The following RBFOX1 variants were observed in gnomAD, a reference collection of about 807,000 sequenced individuals.
RBFOX1 encodes RNA binding protein fox-1 homolog 1.
A neutral mutation model predicts 57.7 loss-of-function variants in RBFOX1; 8 were observed. That is an observed-to-expected ratio of 0.14 (90% confidence interval 0.08 to 0.25). The LOEUF is 0.25. Ranked by LOEUF, RBFOX1 falls within the 10% of genes least tolerant of loss-of-function variation. The pLI is 1.00. For missense variants in RBFOX1, 611 were observed against 548.5 expected, an observed-to-expected ratio of 1.11 and a Z score of -1.14; for synonymous variants, 326 against 222.4, an observed-to-expected ratio of 1.47 and a Z score of -4.15.
At chr16:5,891,861 G>T (rs142275934) in intron 4 of RBFOX1, among the ~76,000 whole-genome samples, 63 of 152,284 alleles carry the variant, frequency 4.1e-4, no homozygotes, top group African/African-American at 1.5e-3. Context: ...CCTGTTCTGA[G>T]GGATTCTAGG....
chr16:6,550,394 C>G (rs1390369784), intron 2 of RBFOX1, among the ~76,000 whole-genome samples: 2 of 152,298 alleles, frequency 1.3e-5, no homozygotes, highest in Non-Finnish European at 2.9e-5. Flanking sequence ...CCAGGCTGGT[C>G]TCCAGTTCAT....
At chr16:6,060,534 C>T (rs377459351) in intron 1 of RBFOX1, among the ~76,000 whole-genome samples, 4 of 152,110 alleles carry the variant, frequency 2.6e-5, no homozygotes, top group Non-Finnish European at 5.9e-5. Context: ...TTTTCAGGTT[C>T]GACCTCTACG....
intron 1 of RBFOX1, among the ~76,000 whole-genome samples, chr16:5,463,983 G>C (rs2068876176): frequency 6.6e-6 from 1 of 152,128 alleles, no homozygotes; most frequent in Non-Finnish European, 1.5e-5. Context: ...GCCATAACCA[G>C]GCCTGGGAGA....
chr16:6,326,874 T>A (rs1434344780), intron 2 of RBFOX1, among the ~76,000 whole-genome samples: 1 of 152,052 alleles, frequency 6.6e-6, no homozygotes, highest in Non-Finnish European at 1.5e-5. Context: ...CCGGTGCAGG[T>A]GTGGCTCCAG....
chr16:5,691,196 T>C (rs1007683581), intron 3 of RBFOX1, among the ~76,000 whole-genome samples: 1 of 152,244 alleles, frequency 6.6e-6, no homozygotes, highest in Admixed American at 6.5e-5. Context: ...TTTTCTGTTT[T>C]GCATAATTTC....
chr16:5,748,428 C>G (rs1023023155), intron 3 of RBFOX1, among the ~76,000 whole-genome samples: 1 of 152,104 alleles, frequency 6.6e-6, no homozygotes, highest in Non-Finnish European at 1.5e-5. Context: ...CCTGGATATC[C>G]TTGTTAACTT....
chr16:6,637,729 G>A (rs2098457277), intron 2 of RBFOX1, among the ~76,000 whole-genome samples: 1 of 151,472 alleles, frequency 6.6e-6, no homozygotes, highest in African/African-American at 2.4e-5. Flanking sequence ...GGGTCTAGAA[G>A]AATATTGTAA....
chr16:6,370,293 G>C (rs962889707), intron 2 of RBFOX1, among the ~76,000 whole-genome samples: 1 of 148,788 alleles, frequency 6.7e-6, no homozygotes, highest in African/African-American at 2.5e-5. Flanking sequence ...AGGAGGCGGA[G>C]CTTGCAGTGA....
rs189628024 is a variant in RBFOX1, at chr16:6,170,501, T to C, written c.-126-146494T>C. The stretch of plus-strand genomic sequence containing the variant: ...TGCGTAATAAGTGTGAAATGAGCAT[T>C]TGTTGATTGTATTCCATGTCAAAGC... On this transcript the variant is annotated intron_variant, in intron 1 of 15. Coordinates refer to ENST00000550418, the MANE Select transcript of RBFOX1 (RefSeq NM_018723.4). 1.8e-4 allele frequency among the ~76,000 whole-genome samples: 27 copies of C among 152,306 alleles called. No homozygotes were observed. The East Asian group carries it at 4.6e-3, about 26-fold the overall frequency.
At chr16:7,365,682 T>A (rs1021366267) in intron 4 of RBFOX1, among the ~76,000 whole-genome samples, 1 of 152,142 alleles carries the variant, frequency 6.6e-6, no homozygotes, top group Non-Finnish European at 1.5e-5. Context: ...TAAAGGTACT[T>A]TACTTCCCAC....
chr16:6,655,915 T>C (rs1211078749), intron 3 of RBFOX1, among the ~76,000 whole-genome samples: 1 of 152,186 alleles, frequency 6.6e-6, no homozygotes, highest in African/African-American at 2.4e-5. Context: ...TGCTTTTAAA[T>C]AAAAAGCAGT....
chr16:6,117,495 C>T (rs749467), intron 1 of RBFOX1, among the ~76,000 whole-genome samples: 52,164 of 152,170 alleles, frequency 0.34, 9,804 homozygotes, highest in Non-Finnish European at 0.43. Flanking sequence ...ATTCAGATGC[C>T]ATTAGGCCAG....
chr16:6,378,724 C>G (rs761177553), intron 2 of RBFOX1, among the ~76,000 whole-genome samples: 1 of 152,178 alleles, frequency 6.6e-6, no homozygotes, highest in East Asian at 1.9e-4. Flanking sequence ...AAAGCATATG[C>G]CAACCCCCTC....
intron 2 of RBFOX1, among the ~76,000 whole-genome samples, chr16:5,478,466 C>T (rs970501434): frequency 2.0e-5 from 3 of 152,044 alleles, no homozygotes; most frequent in Non-Finnish European, 4.4e-5. Flanking sequence ...CAGTGAAAGC[C>T]CCTTGCAAGA....
chr16:6,303,862 A>AGT (rs1201566758), intron 1 of RBFOX1, among the ~76,000 whole-genome samples: 1 of 120,874 alleles, frequency 8.3e-6, no homozygotes, highest in Non-Finnish European at 1.6e-5. Flanking sequence ...CCAATGCTGG[A>AGT]GTGCAATGGC....
At chr16:5,683,977 G>C (rs2050425904) in intron 3 of RBFOX1, among the ~76,000 whole-genome samples, 1 of 151,990 alleles carries the variant, frequency 6.6e-6, no homozygotes. Context: ...TGATGGTCAA[G>C]TGGCTCATTC....
chr16:5,681,187 C>T (rs989544060), intron 3 of RBFOX1, among the ~76,000 whole-genome samples: 5 of 151,628 alleles, frequency 3.3e-5, no homozygotes, highest in East Asian at 3.9e-4. Flanking sequence ...CATTCTCATG[C>T]CTCAGCCTCC....
chr16:7,186,539 CAT>C lies in RBFOX1; in HGVS notation c.27+134444_27+134445del, dbSNP rs1394936242. 5.9e-4 allele frequency among the ~76,000 whole-genome samples: 34 copies of C among 57,262 alleles called. 2 individuals carry two copies. The highest frequency in any genetic ancestry group is 1.9e-3 in the African/African-American group (31 of 16,426). The allele number at this position is 57,262 out of a possible 152,430, so 37.6% of individuals were successfully genotyped here. On this transcript the variant is annotated intron_variant, in intron 4 of 15. Transcript: ENST00000550418. ...ATATTTATATAAATATAAGCATAAA[CAT>C]ATTTATATAAATATAAGCTTAAACA...
intron 3 of RBFOX1, among the ~76,000 whole-genome samples, chr16:5,703,787 GTATA>G: frequency 6.6e-6 from 1 of 152,076 alleles, no homozygotes; most frequent in Middle Eastern, 3.4e-3. Context: ...ATGTGTGTGA[GTATA>G]TATATATGTG....
Sources: gnomAD v4.1 joint callset for allele counts (sites outside exome capture counted in the v4.1 genomes callset) on GRCh38, gnomAD v4.1.1 for gene constraint, MANE v1.5 for transcripts, NCBI Gene and HGNC (gene_info 2026-07-23, HGNC 2026-07-21) for gene names.